The following CD300LD variants were observed in gnomAD, a reference collection of about 807,000 sequenced individuals.
CD300LD encodes the protein CMRF35-like molecule 5.
CD300LD carries 18 observed loss-of-function variants against 20.3 expected under a neutral mutation model. The observed-to-expected ratio is 0.89, with a 90% CI of 0.61 to 1.32. The LOEUF is 1.32. Among genes scored for constraint, CD300LD ranks in the 40% most tolerant of loss-of-function variants. The pLI, the probability that CD300LD is intolerant of heterozygous loss-of-function variation, is 0.00. For synonymous variants in CD300LD, 104 were observed against 90.1 expected, an observed-to-expected ratio of 1.15 and a Z score of -0.87; for missense variants, 195 against 226.6, an observed-to-expected ratio of 0.86 and a Z score of 0.90.
intron 1 of CD300LD, among the ~76,000 whole-genome samples, chr17:74,590,283 G>A (rs992433843): frequency 2.6e-5 from 4 of 152,088 alleles, no homozygotes; most frequent in African/African-American, 9.7e-5. Context: ...CCCCAGTCAT[G>A]TGGAACTGTG....
rs959732397 is a variant in CD300LD, at chr17:74,588,645, C to G, written c.245G>C (p.Arg82Thr). The change falls in exon 2 of 4, where the codon AGG becomes ACG. Residue 82 changes from arginine (R) to threonine (T), a missense_variant. By Grantham distance (71) the Arg-to-Thr change is moderately conservative. Coordinates refer to ENST00000375352, the MANE Select transcript of CD300LD (RefSeq NM_001115152.2). ...QEVKKNRVSI[R>T]DNQKNHVFTV... Reference sequence around the variant, plus strand: ...GAACACGTGGTTTTTCTGATTGTCCCTGATGGAAACTCGATTCTTCTTTAC... The same window carrying G: ...GAACACGTGGTTTTTCTGATTGTCCGTGATGGAAACTCGATTCTTCTTTAC... 6.2e-7 allele frequency: 1 copy of G among 1,614,012 alleles called. No individual in the cohort carries two copies. The highest frequency in any genetic ancestry group is 1.7e-5 in the Admixed American group (1 of 59,994).
chr17:74,592,024 C>G, intron 1 of CD300LD, 139 bp downstream of exon 1: 2 of 1,572,976 alleles, frequency 1.3e-6, no homozygotes. Context: ...AACTTGATTG[C>G]TATTTAATGA....
chr17:74,591,250 C>CAA (rs1210132799), intron 1 of CD300LD, among the ~76,000 whole-genome samples: 1 of 33,914 alleles, frequency 2.9e-5, no homozygotes, highest in African/African-American at 1.6e-4. Context: ...CTCATCTCTA[C>CAA]AAAAAAAAAA....
At chr17:74,583,138 G>A (rs192678278) in intron 2 of CD300LD, among the ~76,000 whole-genome samples, 51 of 149,484 alleles carry the variant, frequency 3.4e-4, no homozygotes, top group African/African-American at 1.2e-3. Flanking sequence ...CCCCATGCCC[G>A]CCCTCCCCCT....
intron 3 of CD300LD, 45 bp downstream of exon 3, chr17:74,582,173 T>TG (rs755823506): frequency 6.6e-7 from 1 of 1,525,914 alleles, no homozygotes; most frequent in South Asian, 1.2e-5. Flanking sequence ...GGAGAGGCCA[T>TG]GGGGCCAGGC....
rs145802902 is a variant in CD300LD, at chr17:74,592,181, G to T, written c.22C>A (p.Leu8Met). ...CACTCACCTGGGAGGATGAGAAGCAGCAGAGATGGGGACAGCCACATGGTC... is the reference window on the plus strand; with the variant it reads ...CACTCACCTGGGAGGATGAGAAGCATCAGAGATGGGGACAGCCACATGGTC... The part of the protein sequence containing the change: MWLSPSL[L>M]LLILPGYSIA... Residue 8 changes from leucine (L) to methionine (M), a missense_variant, in exon 1 of 4, where the codon CTG becomes ATG. Transcript: ENST00000375352. The T allele has an allele frequency of 6.2e-6, 10 of 1,614,162 alleles. No homozygotes were observed. The highest frequency in any genetic ancestry group is 8.5e-6 in the Non-Finnish European group (10 of 1,180,022).
At position 74,588,782 on chromosome 17, in the gene CD300LD, A is replaced by G. The variant is rs372269225; in HGVS notation, c.108T>C (p.Thr36=). The change falls in exon 2 of 4, where the codon ACT becomes ACC. Residue 36 remains threonine (T), a synonymous_variant. Coordinates refer to ENST00000375352, the MANE Select transcript of CD300LD (RefSeq NM_001115152.2). ...AGCCTGAGCCATAAGCACACTGCAC[A>G]GTCAATGAGCCCTGCTCCGAGCCAT... ...TVNGSEQGSL[T]VQCAYGSGWE... The G allele has an allele frequency of 1.6e-5, 26 of 1,614,226 alleles. No individual in the cohort carries two copies. In the African/African-American group the frequency reaches 3.2e-4, roughly 20 times the overall value.
chr17:74,580,503 T>G (rs1157618107), intron 3 of CD300LD, among the ~76,000 whole-genome samples: 1 of 152,214 alleles, frequency 6.6e-6, no homozygotes, highest in East Asian at 1.9e-4. Flanking sequence ...TACCCACCTT[T>G]CAGGTATCAG....
chr17:74,584,130 T>C (rs573377757), intron 2 of CD300LD, among the ~76,000 whole-genome samples: 1 of 152,342 alleles, frequency 6.6e-6, no homozygotes, highest in South Asian at 2.1e-4. Context: ...AAAGCTGCTA[T>C]GAACATTCAC....
intron 2 of CD300LD, 141 bp from the exon 3 acceptor site, chr17:74,582,452 C>A: frequency 1.7e-6 from 1 of 584,584 alleles, no homozygotes; most frequent in Non-Finnish European, 3.1e-6. Context: ...CAAAATATTA[C>A]ATGAATTATC....
chr17:74,585,682 G>T (rs2143283718), intron 2 of CD300LD, among the ~76,000 whole-genome samples: 1 of 152,334 alleles, frequency 6.6e-6, no homozygotes, highest in Middle Eastern at 3.4e-3. Flanking sequence ...TAATAATGGA[G>T]TACAAAGCCC....
At chr17:74,588,457 G>T in intron 2 of CD300LD, 54 bp downstream of exon 2, 2 of 1,202,170 alleles carry the variant, frequency 1.7e-6, no homozygotes, top group Non-Finnish European at 2.4e-6. Context: ...GGACCTCAGG[G>T]ACCAGGACAG....
intron 3 of CD300LD, 33 bp from the exon 4 acceptor site, chr17:74,580,146 C>T (rs991633274): frequency 4.2e-6 from 6 of 1,443,522 alleles, no homozygotes; most frequent in Non-Finnish European, 5.8e-6. Flanking sequence ...AATGAGCTGC[C>T]TCCTGGGTCA....
Position 74,579,848 on chromosome 17 carries a change from G to A in CD300LD, c.*154C>T. 2 of 505,976 alleles carry A rather than the reference G, an allele frequency of 4.0e-6. No individual in the cohort carries two copies. Among genetic ancestry groups the A allele is most frequent in the South Asian group, 4.2e-5 (2 of 47,308 alleles). The allele number at this position is 505,976 out of a possible 1,614,324, so 31.3% of individuals were successfully genotyped here. A position where few individuals can be genotyped will look rare whatever the true frequency, so the allele number is the denominator to read the frequency against. ...TGCAGTGAGCAGAGATTACACCATT[G>A]CATTCCAGCCTGGGTGACAGAGCAA... On this transcript the variant is annotated 3_prime_UTR_variant, in exon 4 of 4. Transcript: ENST00000375352.
intron 2 of CD300LD, among the ~76,000 whole-genome samples, chr17:74,584,347 G>C (rs1195367767): frequency 3.9e-5 from 6 of 152,158 alleles, no homozygotes; most frequent in Non-Finnish European, 7.3e-5. Flanking sequence ...TTGGTGTCAA[G>C]GTCAGTAATG....
rs987422430 is a variant in CD300LD, at chr17:74,588,781, C to T, written c.109G>A (p.Val37Met). 5 of 1,614,092 alleles carry T rather than the reference C, an allele frequency of 3.1e-6. No homozygotes were observed. The African/African-American group carries it at 4.0e-5, about 13-fold the overall frequency. Residue 37 changes from valine to methionine, a missense_variant, in exon 2 of 4, where the codon GTG (valine) becomes ATG (methionine). Transcript: ENST00000375352. ...VNGSEQGSLT[V>M]QCAYGSGWET... Reference sequence around the variant, plus strand: ...CAGCCTGAGCCATAAGCACACTGCACAGTCAATGAGCCCTGCTCCGAGCCA... The same window carrying T: ...CAGCCTGAGCCATAAGCACACTGCATAGTCAATGAGCCCTGCTCCGAGCCA...
chr17:74,582,046 A>G (rs1329759783), intron 3 of CD300LD, among the ~76,000 whole-genome samples, 172 bp downstream of exon 3: 4 of 152,256 alleles, frequency 2.6e-5, no homozygotes, highest in Non-Finnish European at 4.4e-5. Flanking sequence ...CTTTTTTAGT[A>G]TAAGTATAGC....
intron 2 of CD300LD, among the ~76,000 whole-genome samples, chr17:74,583,190 A>G (rs1457826493): frequency 6.6e-6 from 1 of 152,128 alleles, no homozygotes; most frequent in Non-Finnish European, 1.5e-5. Flanking sequence ...GTGGACCCCT[A>G]AAAATTATAT....
At chr17:74,586,296 G>A (rs783247) in intron 2 of CD300LD, among the ~76,000 whole-genome samples, 1,609 of 152,226 alleles carry the variant, frequency 0.011, 33 homozygotes, top group African/African-American at 0.037. Flanking sequence ...ATCTAAAAAC[G>A]GCCAAGGAGC....
Sources: gnomAD v4.1 joint callset for allele counts (sites outside exome capture counted in the v4.1 genomes callset) on GRCh38, gnomAD v4.1.1 for gene constraint, MANE v1.5 for transcripts, NCBI Gene and HGNC (gene_info 2026-07-23, HGNC 2026-07-21) for gene names.